MSI2: variants seen among roughly 807,000 people sequenced by gnomAD.
The protein encoded by MSI2 is RNA-binding protein Musashi homolog 2.
MSI2 carries 17 observed loss-of-function variants against 45.6 expected under a neutral mutation model. That is an observed-to-expected ratio of 0.37 (90% CI 0.26 to 0.56). MSI2 has a LOEUF of 0.56. Ranked by LOEUF, MSI2 falls within the 20% of genes least tolerant of loss-of-function variation. The pLI, the probability that MSI2 is intolerant of heterozygous loss-of-function variation, is 0.77. For missense variants in MSI2, 293 were observed against 444.2 expected (o/e 0.66, Z 3.06); for synonymous variants, 156 against 158.2 (o/e 0.99, Z 0.11).
At chr17:57,281,239 T>TTA (rs1909390394) in intron 5 of MSI2, among the ~76,000 whole-genome samples, 1 of 152,192 alleles carries the variant, frequency 6.6e-6, no homozygotes, top group Non-Finnish European at 1.5e-5. Flanking sequence ...AAGGCCATAG[T>TTA]TAGCCAGGGA....
chr17:57,468,478 G>A (rs1402795158), intron 6 of MSI2, among the ~76,000 whole-genome samples: 6 of 140,042 alleles, frequency 4.3e-5, no homozygotes, highest in African/African-American at 8.1e-5. Flanking sequence ...CCAAGATTGC[G>A]CCACTGCACT....
intron 7 of MSI2, among the ~76,000 whole-genome samples, chr17:57,555,920 C>G (rs2087425767): frequency 6.6e-6 from 1 of 152,206 alleles, no homozygotes; most frequent in Non-Finnish European, 1.5e-5. Flanking sequence ...TGCCCAGCCT[C>G]AGAACCACCA....
chr17:57,615,954 C>T lies in MSI2; in HGVS notation c.538-16C>T, dbSNP rs201193299. 6 of 1,588,402 alleles carry T rather than the reference C, an allele frequency of 3.8e-6. No homozygotes were observed. The highest frequency in any genetic ancestry group is 5.2e-6 in the Non-Finnish European group (6 of 1,157,070). On this transcript the variant is annotated splice_polypyrimidine_tract_variant and intron_variant, in intron 8 of 13. Coordinates refer to ENST00000284073, the MANE Select transcript of MSI2 (RefSeq NM_138962.4). ...AATTCATTTGCATCTCATTTGTTCG[C>T]CTTTCTGTTTAACAGGTAGAATGTA...
chr17:57,390,652 G>A (rs1482777989), intron 5 of MSI2, among the ~76,000 whole-genome samples: 1 of 152,186 alleles, frequency 6.6e-6, no homozygotes, highest in East Asian at 1.9e-4. Context: ...TTTGGGGGAT[G>A]GGGTAACTTG....
chr17:57,283,931 A>G (rs975932329), intron 5 of MSI2, among the ~76,000 whole-genome samples: 1 of 152,078 alleles, frequency 6.6e-6, no homozygotes, highest in African/African-American at 2.4e-5. Context: ...TATCCCGGAG[A>G]CCCTTGGGTT....
chr17:57,338,586 G>A (rs1914877919), intron 5 of MSI2, among the ~76,000 whole-genome samples: 1 of 152,188 alleles, frequency 6.6e-6, no homozygotes, highest in African/African-American at 2.4e-5. Context: ...GGACCCTGAA[G>A]GCTGCATAAC....
intron 12 of MSI2, among the ~76,000 whole-genome samples, chr17:57,676,571 T>C (rs1254799749): frequency 3.3e-5 from 5 of 152,204 alleles, no homozygotes; most frequent in Non-Finnish European, 1.5e-5. Flanking sequence ...GGCTGTGATG[T>C]TTTTCTGAAA....
At chr17:57,657,878 C>T (rs1338065483) in intron 11 of MSI2, among the ~76,000 whole-genome samples, 2 of 152,196 alleles carry the variant, frequency 1.3e-5, no homozygotes. Flanking sequence ...TTGTACCAAG[C>T]ACCAAGGAAT....
chr17:57,439,835 A>T (rs993915649), intron 6 of MSI2, among the ~76,000 whole-genome samples: 1 of 152,166 alleles, frequency 6.6e-6, no homozygotes, highest in African/African-American at 2.4e-5. Context: ...TTCTTAGCGG[A>T]TGGCCCGAAG....
Position 57,645,581 on chromosome 17 carries a change from G to A in MSI2, c.728-6518G>A, listed in dbSNP as rs1373408051. On this transcript the variant is annotated intron_variant, in intron 10 of 13. Coordinates refer to ENST00000284073, the MANE Select transcript of MSI2 (RefSeq NM_138962.4). Reference sequence around the variant, plus strand: ...CTCCTGAGCAGCTGGGATTAAAGGTGCCCACCACCACGCCTGGCTAGCTTT... The same window carrying A: ...CTCCTGAGCAGCTGGGATTAAAGGTACCCACCACCACGCCTGGCTAGCTTT... Among the ~76,000 whole-genome samples the A allele has an allele frequency of 3.3e-5, 5 of 151,328 alleles. No individual in the cohort carries two copies. In the East Asian group the frequency reaches 9.7e-4, roughly 29 times the overall value.
At chr17:57,417,876 C>G (rs2084324349) in intron 6 of MSI2, among the ~76,000 whole-genome samples, 1 of 152,122 alleles carries the variant, frequency 6.6e-6, no homozygotes, top group Non-Finnish European at 1.5e-5. Flanking sequence ...TGTATTGATT[C>G]TAGATGCCTT....
intron 6 of MSI2, among the ~76,000 whole-genome samples, chr17:57,486,895 G>A (rs1196284804): frequency 1.3e-5 from 2 of 152,128 alleles, no homozygotes; most frequent in African/African-American, 4.8e-5. Flanking sequence ...TTACTGGCAG[G>A]GATCACAGAG....
chr17:57,309,647 A>G (rs1263875550), intron 5 of MSI2, among the ~76,000 whole-genome samples: 2 of 152,244 alleles, frequency 1.3e-5, no homozygotes, highest in African/African-American at 4.8e-5. Context: ...TGACTTGATC[A>G]TCCTTGAGGG....
intron 6 of MSI2, among the ~76,000 whole-genome samples, chr17:57,505,286 G>A (rs1029953673): frequency 3.3e-5 from 5 of 152,168 alleles, no homozygotes; most frequent in African/African-American, 1.2e-4. Context: ...TGGCGAGGGT[G>A]GGGGCCATGG....
chr17:57,442,657 T>A (rs2084822021), intron 6 of MSI2, among the ~76,000 whole-genome samples: 1 of 152,032 alleles, frequency 6.6e-6, no homozygotes. Flanking sequence ...TGAGACTGGA[T>A]GAAAATCAAG....
At chr17:57,380,408 G>A (rs1312901800) in intron 5 of MSI2, among the ~76,000 whole-genome samples, 4 of 152,110 alleles carry the variant, frequency 2.6e-5, no homozygotes, top group Non-Finnish European at 5.9e-5. Flanking sequence ...TCTAAGCGGC[G>A]GCTTCTGAGG....
Position 57,432,774 on chromosome 17 carries a change from GACTC to G in MSI2, c.405+31308_405+31311del, listed in dbSNP as rs532298242. On this transcript the variant is annotated intron_variant, in intron 6 of 13. Transcript: ENST00000284073. ...AATGGCGTTTCTGACAGCTCTTCCT[GACTC>G]ACTCGTTGAGACCGATGCTTATCTG... Among the ~76,000 whole-genome samples, 8 of 152,248 alleles carry G rather than the reference GACTC, an allele frequency of 5.3e-5. No homozygotes were observed. In the East Asian group the frequency reaches 1.5e-3, roughly 29 times the overall value.
intron 5 of MSI2, among the ~76,000 whole-genome samples, chr17:57,304,459 A>C (rs1373641542): frequency 2.0e-4 from 28 of 142,298 alleles, no homozygotes; most frequent in African/African-American, 7.1e-4. Flanking sequence ...GTCTCACTCT[A>C]TCTCCCAGGC....
At chr17:57,368,418 T>C (rs1212043226) in intron 5 of MSI2, among the ~76,000 whole-genome samples, 2 of 151,970 alleles carry the variant, frequency 1.3e-5, no homozygotes, top group Admixed American at 1.3e-4. Context: ...TAGCTGGTCA[T>C]GGTGGTGGGC....
Sources: gnomAD v4.1 joint callset for allele counts (sites outside exome capture counted in the v4.1 genomes callset) on GRCh38, gnomAD v4.1.1 for gene constraint, MANE v1.5 for transcripts, NCBI Gene and HGNC (gene_info 2026-07-23, HGNC 2026-07-21) for gene names.